The following COL8A1 variants were observed in gnomAD, a reference collection of about 807,000 sequenced individuals.
COL8A1 encodes the protein collagen alpha-1(VIII) chain.
Under a neutral mutation model 42.7 loss-of-function variants are expected in COL8A1, and 21 were observed. The ratio of observed to expected loss-of-function variants is 0.49; its 90% CI spans 0.35 to 0.71. The LOEUF is 0.71. Ranked by LOEUF, COL8A1 falls within the 30% of genes least tolerant of loss-of-function variation. The pLI is 0.01. For synonymous variants in COL8A1, 367 were observed against 369.1 expected (o/e 0.99, Z 0.06); for missense variants, 788 against 962.4 (o/e 0.82, Z 2.40).
At chr3:99,673,144 G>T (rs957905883) in intron 1 of COL8A1, among the ~76,000 whole-genome samples, 1 of 151,832 alleles carries the variant, frequency 6.6e-6, no homozygotes, top group Non-Finnish European at 1.5e-5. Flanking sequence ...TTTGACCTAC[G>T]ATTTAGACAT....
At chr3:99,723,393 C>CA (rs1295095527) in intron 1 of COL8A1, among the ~76,000 whole-genome samples, 1 of 152,020 alleles carries the variant, frequency 6.6e-6, no homozygotes, top group Non-Finnish European at 1.5e-5. Flanking sequence ...TAGTTCCTGA[C>CA]AATGCTCAGG....
At chr3:99,660,084 A>T in intron 1 of COL8A1, among the ~76,000 whole-genome samples, 1 of 152,234 alleles carries the variant, frequency 6.6e-6, no homozygotes, top group East Asian at 1.9e-4. Flanking sequence ...GCAGTAGAGA[A>T]CCTTAGGAAC....
intron 2 of COL8A1, among the ~76,000 whole-genome samples, chr3:99,749,265 G>A (rs1393446888): frequency 1.3e-5 from 2 of 152,054 alleles, no homozygotes. Flanking sequence ...TTACACCAAG[G>A]TTCTCTCACT....
At chr3:99,689,285 AC>A (rs2107332285) in intron 1 of COL8A1, among the ~76,000 whole-genome samples, 1 of 152,364 alleles carries the variant, frequency 6.6e-6, no homozygotes, top group Non-Finnish European at 1.5e-5. Flanking sequence ...GCATTTAATT[AC>A]TTGGATATCA....
chr3:99,732,985 A>C (rs1234345717), intron 1 of COL8A1, among the ~76,000 whole-genome samples: 1 of 152,058 alleles, frequency 6.6e-6, no homozygotes, highest in East Asian at 1.9e-4. Flanking sequence ...CCAAATATTA[A>C]AGCTCCAGAA....
intron 2 of COL8A1, among the ~76,000 whole-genome samples, chr3:99,748,559 T>C (rs914581080): frequency 1.3e-5 from 2 of 152,208 alleles, no homozygotes; most frequent in African/African-American, 4.8e-5. Context: ...TACTTATTAA[T>C]ATGATAATAA....
chr3:99,703,613 G>A (rs1939602999), intron 1 of COL8A1: 1 of 152,192 alleles, frequency 6.6e-6, no homozygotes, highest in Non-Finnish European at 1.5e-5. Flanking sequence ...TTCAAAAGGA[G>A]AAAGTCTATT....
chr3:99,771,057 C>G (rs568767343), intron 2 of COL8A1, among the ~76,000 whole-genome samples: 11 of 152,100 alleles, frequency 7.2e-5, no homozygotes, highest in Non-Finnish European at 1.5e-4. Flanking sequence ...ACAGCTTGCC[C>G]AAAGGCCCTG....
intron 2 of COL8A1, among the ~76,000 whole-genome samples, chr3:99,774,962 A>G (rs1941664150): frequency 6.6e-6 from 1 of 152,246 alleles, no homozygotes; most frequent in African/African-American, 2.4e-5. Context: ...TAAATGGCCA[A>G]GCAATGTTTA....
At chr3:99,672,076 G>A (rs1485807812) in intron 1 of COL8A1, among the ~76,000 whole-genome samples, 2 of 152,014 alleles carry the variant, frequency 1.3e-5, no homozygotes, top group African/African-American at 4.8e-5. Flanking sequence ...GCTTTTAACA[G>A]AGAACAGACA....
At chr3:99,654,158 G>A (rs1937940402) in intron 1 of COL8A1, among the ~76,000 whole-genome samples, 6 of 152,116 alleles carry the variant, frequency 3.9e-5, no homozygotes, top group Admixed American at 2.6e-4. Flanking sequence ...AATGAAGACC[G>A]GCAGACTCAG....
At position 99,790,912 on chromosome 3, in the gene COL8A1, T is replaced by G; in HGVS notation, c.230T>G (p.Leu77Trp). 1.2e-6 allele frequency: 2 copies of G among 1,614,154 alleles called. No homozygotes were observed. The highest frequency in any genetic ancestry group is 1.7e-6 in the Non-Finnish European group (2 of 1,179,952). ...GCCATGGGCAAGGAGATGCCCCACT[T>G]GCAGTATGGCAAAGAGTATCCACAC... ...GLAMGKEMPHLQYGKEYPHLP... is the reference protein window; with the variant it reads ...GLAMGKEMPHWQYGKEYPHLP... The change falls in exon 3 of 4, where the codon TTG (leucine) becomes TGG (tryptophan). Residue 77 changes from leucine to tryptophan, a missense_variant. By Grantham distance (61) the Leu-to-Trp change is moderately conservative (BLOSUM62 -2). Coordinates refer to ENST00000652472, the MANE Select transcript of COL8A1 (RefSeq NM_020351.4).
In COL8A1 at chr3:99,795,344, T is replaced by C. The variant is rs1008313093; in HGVS notation, c.1443T>C (p.Pro481=). The change falls in exon 4 of 4, where the codon CCT becomes CCC. Residue 481 remains proline, a synonymous_variant. Transcript: ENST00000652472. ...CTGGTGTTCCAGGGCTTCTCGGACC[T>C]AAGGGAGAGCCAGGAATCCCAGGGG... ...GLPGVPGLLG[P]KGEPGIPGDQ... 4.4e-6 allele frequency: 7 copies of C among 1,594,670 alleles called. No homozygotes were observed. Among genetic ancestry groups the C allele is most frequent in the African/African-American group, 1.3e-5 (1 of 74,506 alleles).
chr3:99,726,473 T>C (rs1049369320), intron 1 of COL8A1, among the ~76,000 whole-genome samples: 8 of 151,638 alleles, frequency 5.3e-5, no homozygotes, highest in Admixed American at 1.3e-4. Context: ...GTTTTAGACA[T>C]GAAGTCCTTG....
intron 2 of COL8A1, among the ~76,000 whole-genome samples, chr3:99,751,047 T>C (rs1314187240): frequency 1.3e-5 from 2 of 152,206 alleles, no homozygotes; most frequent in Non-Finnish European, 2.9e-5. Flanking sequence ...TAGAGCTATT[T>C]TAGAGATGCC....
chr3:99,676,847 T>A (rs538603866), intron 1 of COL8A1, among the ~76,000 whole-genome samples: 35 of 152,230 alleles, frequency 2.3e-4, no homozygotes, highest in Non-Finnish European at 3.5e-4. Context: ...CAAAAATCCA[T>A]TAACTTCTCT....
At chr3:99,786,353 A>AAAGTCC (rs1176698460) in intron 2 of COL8A1, among the ~76,000 whole-genome samples, 1 of 152,202 alleles carries the variant, frequency 6.6e-6, no homozygotes, top group Non-Finnish European at 1.5e-5. Flanking sequence ...TCATGAGTGC[A>AAAGTCC]AAGTCCTCAT....
rs1469420340 is a variant in COL8A1 at position 99,754,456 on chromosome 3, CAT to C, written c.-4+9436_-4+9437del. ...TGTTTTTTTTTTTCAAATTGTCTCT[CAT>C]GTGTGAAAGAAGCCAGGACAAGAGG... On this transcript the variant is annotated intron_variant, in intron 2 of 3. Coordinates refer to ENST00000652472, the MANE Select transcript of COL8A1 (RefSeq NM_020351.4). 2.6e-5 allele frequency among the ~76,000 whole-genome samples: 4 copies of C among 151,624 alleles called. 1 individual carries two copies. The highest frequency in any genetic ancestry group is 1.3e-4 in the Admixed American group (2 of 15,226).
At chr3:99,732,300 G>C (rs1253905126) in intron 1 of COL8A1, among the ~76,000 whole-genome samples, 1 of 152,046 alleles carries the variant, frequency 6.6e-6, no homozygotes, top group Non-Finnish European at 1.5e-5. Flanking sequence ...AGGTGTATTA[G>C]TCCCTTCTCA....
Sources: allele counts gnomAD v4.1 joint callset (sites outside exome capture counted in the v4.1 genomes callset), GRCh38; gene constraint gnomAD v4.1.1; transcripts MANE v1.5; gene names NCBI Gene and HGNC (gene_info 2026-07-23, HGNC 2026-07-21).